PTPRD: variants seen among roughly 807,000 people sequenced by gnomAD.
PTPRD encodes the protein protein tyrosine phosphatase receptor type D.
A neutral mutation model predicts 214.5 loss-of-function variants in PTPRD; 34 were observed. The observed-to-expected ratio is 0.16, with a 90% CI of 0.12 to 0.21. PTPRD has a LOEUF of 0.21. PTPRD is among the 10% of genes least tolerant of loss of function. The probability of loss-of-function intolerance (pLI) is 1.00; values close to 1 mark genes in which losing one functional copy is unlikely to be tolerated. For synonymous variants in PTPRD, 1,128 were observed against 845.7 expected (o/e 1.33, Z -5.79); for missense variants, 2,545 against 2,398.7 (o/e 1.06, Z -1.27).
At chr9:8,545,898 C>G (rs557988166) in intron 14 of PTPRD, among the ~76,000 whole-genome samples, 1 of 152,184 alleles carries the variant, frequency 6.6e-6, no homozygotes, top group Non-Finnish European at 1.5e-5. Context: ...AGAAATCCAA[C>G]AAACTTTATA....
At chr9:9,288,534 T>C (rs879572860) in intron 9 of PTPRD, among the ~76,000 whole-genome samples, 5 of 151,904 alleles carry the variant, frequency 3.3e-5, no homozygotes, top group Non-Finnish European at 5.9e-5. Context: ...TGAAAAAATA[T>C]TTAAAAACAG....
At chr9:8,617,235 A>G (rs1026740258) in intron 14 of PTPRD, among the ~76,000 whole-genome samples, 7 of 152,108 alleles carry the variant, frequency 4.6e-5, no homozygotes, top group African/African-American at 1.7e-4. Context: ...AAGAAGGAAG[A>G]GAGAGAAGAA....
At chr9:8,481,641 C>A (rs2096888208) in intron 30 of PTPRD, among the ~76,000 whole-genome samples, 1 of 152,088 alleles carries the variant, frequency 6.6e-6, no homozygotes, top group South Asian at 2.1e-4. Context: ...CCTCTACTGG[C>A]TCTCTTCTTC....
At position 10,126,946 on chromosome 9, in the gene PTPRD, C is replaced by CTT. The variant is rs34691762; in HGVS notation, c.-544-93158_-544-93157dup. On this transcript the variant is annotated intron_variant, in intron 3 of 45. Transcript: ENST00000381196. ...CCTTAGACTCTGAGTCTCAAATGGA[C>CTT]TTTTTTTTTTTTTTTTTGGCAGAAA... Among the ~76,000 whole-genome samples the CTT allele has an allele frequency of 3.0e-3, 387 of 130,516 alleles. 3 individuals are homozygous for CTT. The highest frequency in any genetic ancestry group is 4.0e-3 in the Non-Finnish European group (258 of 63,782). The allele number at this position is 130,516 out of a possible 152,430, so 85.6% of individuals were successfully genotyped here. A position where few individuals can be genotyped will look rare whatever the true frequency, so the allele number is the denominator to read the frequency against.
intron 7 of PTPRD, among the ~76,000 whole-genome samples, chr9:9,703,208 G>T (rs1429938652): frequency 6.6e-6 from 1 of 152,080 alleles, no homozygotes; most frequent in Admixed American, 6.6e-5. Context: ...GCCGTCTTGT[G>T]CCTGCTTCCC....
chr9:9,311,814 A>G (rs1021897483), intron 9 of PTPRD, among the ~76,000 whole-genome samples: 1 of 152,158 alleles, frequency 6.6e-6, no homozygotes, highest in African/African-American at 2.4e-5. Context: ...TGTACTTTGC[A>G]AGCAATTGTT....
chr9:8,348,619 G>A (rs1280550854), intron 39 of PTPRD, among the ~76,000 whole-genome samples: 3 of 152,052 alleles, frequency 2.0e-5, no homozygotes, highest in Admixed American at 2.0e-4. Flanking sequence ...ATCTAGATAT[G>A]CTTTAGGCAT....
At chr9:9,808,041 A>G (rs1006999425) in intron 5 of PTPRD, among the ~76,000 whole-genome samples, 1 of 152,210 alleles carries the variant, frequency 6.6e-6, no homozygotes, top group African/African-American at 2.4e-5. Context: ...GAAAGGAGTG[A>G]AACCAAAATA....
chr9:9,790,995 T>C (rs943291810), intron 5 of PTPRD, among the ~76,000 whole-genome samples: 2 of 152,178 alleles, frequency 1.3e-5, no homozygotes, highest in Non-Finnish European at 2.9e-5. Context: ...ATATATATAA[T>C]GAACCAGAAA....
chr9:8,469,399 G>T (rs1289993475), intron 31 of PTPRD, among the ~76,000 whole-genome samples: 2 of 151,630 alleles, frequency 1.3e-5, no homozygotes, highest in Non-Finnish European at 2.9e-5. Context: ...TTTTTTAATA[G>T]GTAGAACAAT....
chr9:10,504,847 T>TTATC (rs1330539565), intron 2 of PTPRD, among the ~76,000 whole-genome samples: 1 of 152,176 alleles, frequency 6.6e-6, no homozygotes, highest in East Asian at 1.9e-4. Flanking sequence ...CAAGATGAAA[T>TTATC]TATCTCTTAC....
At chr9:9,260,367 G>A (rs986570225) in intron 9 of PTPRD, among the ~76,000 whole-genome samples, 13 of 151,758 alleles carry the variant, frequency 8.6e-5, no homozygotes, top group Non-Finnish European at 1.5e-4. Flanking sequence ...GTAGAAAACC[G>A]AAATCACGTT....
rs560389000 is a variant in PTPRD, at chr9:8,314,702, A to T, written c.*3172T>A. 1.7e-5 allele frequency: 4 copies of T among 231,302 alleles called. No individual in the cohort carries two copies. Among genetic ancestry groups the T allele is most frequent in the Non-Finnish European group, 3.4e-5 (4 of 116,664 alleles). The allele number at this position is 231,302 out of a possible 1,614,324, so 14.3% of individuals were successfully genotyped here. Reference sequence around the variant, plus strand: ...GCAAAACCGAAAATAAACAGGAAAGAAAAAAAATACGTGCATTACTGCAGA... The same window carrying T: ...GCAAAACCGAAAATAAACAGGAAAGTAAAAAAATACGTGCATTACTGCAGA... On this transcript the variant is annotated 3_prime_UTR_variant, in exon 46 of 46. Transcript: ENST00000381196.
At chr9:9,513,362 C>T (rs1208245111) in intron 8 of PTPRD, among the ~76,000 whole-genome samples, 2 of 151,856 alleles carry the variant, frequency 1.3e-5, no homozygotes, top group Non-Finnish European at 2.9e-5. Context: ...TGATTACTTT[C>T]CTATGTGTTA....
intron 3 of PTPRD, among the ~76,000 whole-genome samples, chr9:10,199,908 C>T (rs926418105): frequency 3.1e-4 from 44 of 141,948 alleles, no homozygotes; most frequent in African/African-American, 1.1e-3. Context: ...CGCGCGCACA[C>T]ACGCACACAC....
At chr9:9,657,441 G>A (rs997534500) in intron 7 of PTPRD, among the ~76,000 whole-genome samples, 2 of 152,074 alleles carry the variant, frequency 1.3e-5, no homozygotes, top group Admixed American at 1.3e-4. Flanking sequence ...ATCACACACC[G>A]GGGGCCTGTC....
chr9:8,689,699 A>G (rs887617799), intron 12 of PTPRD, among the ~76,000 whole-genome samples: 1 of 152,180 alleles, frequency 6.6e-6, no homozygotes. Context: ...TTGGGTGGGG[A>G]CACAGCCAAA....
chr9:10,167,043 A>G (rs1047724944), intron 3 of PTPRD, among the ~76,000 whole-genome samples: 7 of 152,140 alleles, frequency 4.6e-5, no homozygotes, highest in Non-Finnish European at 1.0e-4. Flanking sequence ...TAAGCATTCA[A>G]AATCAACATT....
At chr9:8,675,245 G>C (rs2097377523) in intron 12 of PTPRD, among the ~76,000 whole-genome samples, 1 of 151,890 alleles carries the variant, frequency 6.6e-6, no homozygotes, top group African/African-American at 2.4e-5. Flanking sequence ...CCCTCTCTAA[G>C]CCTCTAGTTC....
Sources: gnomAD v4.1 joint callset for allele counts (sites outside exome capture counted in the v4.1 genomes callset) on GRCh38, gnomAD v4.1.1 for gene constraint, MANE v1.5 for transcripts, NCBI Gene and HGNC (gene_info 2026-07-23, HGNC 2026-07-21) for gene names.